Variants in MAPK8IP3 observed in about 807,000 individuals in gnomAD.
The protein encoded by MAPK8IP3 is C-Jun-amino-terminal kinase-interacting protein 3.
In MAPK8IP3, 49 loss-of-function variants were observed where a neutral mutation model predicts 157.8. That is an observed-to-expected ratio of 0.31 (90% CI 0.25 to 0.39). The LOEUF is 0.39. Ranked by LOEUF, MAPK8IP3 falls within the 10% of genes least tolerant of loss-of-function variation. The pLI, the probability that MAPK8IP3 is intolerant of heterozygous loss-of-function variation, is 1.00. For missense variants in MAPK8IP3, 1,478 were observed against 1,889.4 expected (o/e 0.78, Z 4.04); for synonymous variants, 897 against 777.7 (o/e 1.15, Z -2.55).
rs1030631104 is a variant in MAPK8IP3 at position 1,742,898 on chromosome 16, G to A, written c.603-434G>A. Among the ~76,000 whole-genome samples, 36 of 151,980 alleles carry A rather than the reference G, an allele frequency of 2.4e-4. No homozygotes were observed. Among genetic ancestry groups the A allele is most frequent in the Non-Finnish European group, 3.4e-4 (23 of 67,990 alleles). ...AGCACTGTGGGAGGCCGAGGCAGGC[G>A]GATCATCAGGTCAGGAGATCGAGAC... On this transcript the variant is annotated intron_variant, in intron 4 of 31. Coordinates refer to ENST00000610761, the MANE Select transcript of MAPK8IP3 (RefSeq NM_001318852.2). The surrounding 1 kb of genome is among the most constrained non-coding windows in gnomAD (Gnocchi z 5.0).
Position 1,766,297 on chromosome 16 carries a change from C to G in MAPK8IP3, c.2707C>G (p.Pro903Ala). The change falls in exon 22 of 32, where the codon CCA becomes GCA. Residue 903 changes from proline (P) to alanine (A), a missense_variant. Physicochemically the swap from Pro to Ala is conservative, Grantham distance 27. Coordinates refer to ENST00000610761, the MANE Select transcript of MAPK8IP3 (RefSeq NM_001318852.2). The stretch of plus-strand genomic sequence containing the variant: ...GGAGGCCACAGAGGCCACGGAGGTG[C>G]CAGACCCTGGGCCCAGCGAGCCAGA... The part of the protein sequence containing the change: ...TEEATEATEV[P>A]DPGPSEPETA... 6.2e-7 allele frequency: 1 copy of G among 1,612,730 alleles called. No individual in the cohort carries two copies.
intron 12 of MAPK8IP3, 131 bp downstream of exon 12, chr16:1,760,663 C>T (rs2041879882): frequency 1.8e-6 from 2 of 1,122,350 alleles, no homozygotes; most frequent in African/African-American, 1.6e-5. Context: ...CCAGCTCCAG[C>T]TCACAGCCAC....
In MAPK8IP3 at chr16:1,756,623, AACACACACACACACAC is replaced by A. The variant is rs60461442; in HGVS notation, c.1217-1493_1217-1478del. On this transcript the variant is annotated intron_variant, in intron 8 of 31. Transcript: ENST00000610761. ...CATAGTGAGACCTCATTTTTACTAA[AACACACACACACACAC>A]ACACACACACACACACACACACACA... 4.1e-3 allele frequency among the ~76,000 whole-genome samples: 554 copies of A among 135,702 alleles called. 7 individuals are homozygous for A. The highest frequency in any genetic ancestry group is 0.034 in the East Asian group (155 of 4,554). The allele number at this position is 135,702 out of a possible 152,430, so 89.0% of individuals were successfully genotyped here.
In MAPK8IP3 at chr16:1,763,856, G is replaced by A. The variant is rs546746724; in HGVS notation, c.2025+73G>A. The A allele has an allele frequency of 2.0e-5, 21 of 1,071,780 alleles. No homozygotes were observed. In the South Asian group the frequency reaches 3.1e-4, roughly 16 times the overall value. The allele number at this position is 1,071,780 out of a possible 1,614,324, so 66.4% of individuals were successfully genotyped here. On this transcript the variant is annotated intron_variant, in intron 17 of 31. Transcript: ENST00000610761. ...GCGGGGGTAAGGGGCGGGGCGCTGT[G>A]GGGCGGGGAGAGGGCGGGGCAGTGC... is the stretch of plus-strand genomic sequence containing the variant.
chr16:1,735,891 T>A lies in MAPK8IP3; in HGVS notation c.602+6313T>A, dbSNP rs540326793. Among the ~76,000 whole-genome samples the A allele has an allele frequency of 6.3e-5, 8 of 126,746 alleles. No homozygotes were observed. In the South Asian group the frequency reaches 2.3e-3, roughly 36 times the overall value. The allele number at this position is 126,746 out of a possible 152,430, so 83.2% of individuals were successfully genotyped here. On this transcript the variant is annotated intron_variant, in intron 4 of 31. Coordinates refer to ENST00000610761, the MANE Select transcript of MAPK8IP3 (RefSeq NM_001318852.2). ...ACCGTCCATGGAGCATCTGTGTGACTGTCCATGTGAGCATCCGTGTGACCA... is the reference window on the plus strand; with the variant it reads ...ACCGTCCATGGAGCATCTGTGTGACAGTCCATGTGAGCATCCGTGTGACCA...
chr16:1,759,790 C>T (rs1338818165), intron 10 of MAPK8IP3, among the ~76,000 whole-genome samples, 168 bp from the exon 11 acceptor site: 5 of 152,254 alleles, frequency 3.3e-5, no homozygotes, highest in Non-Finnish European at 7.3e-5. Flanking sequence ...GCACAGACTG[C>T]GGGCCCAGCA....
chr16:1,738,110 C>CCGTGTGAG lies in MAPK8IP3; in HGVS notation c.603-5219_603-5218insGTGAGCGT, dbSNP rs1215806083. ...ACCATCCATGTGAGCATCCATGTGA[C>CCGTGTGAG]CGTCCGTGTGAGCGTGACTGTCCGT... On this transcript the variant is annotated intron_variant, in intron 4 of 31. Coordinates refer to ENST00000610761, the MANE Select transcript of MAPK8IP3 (RefSeq NM_001318852.2). 5.5e-3 allele frequency among the ~76,000 whole-genome samples: 331 copies of CCGTGTGAG among 59,960 alleles called. 33 individuals carry two copies. The highest frequency in any genetic ancestry group is 0.03 in the African/African-American group (311 of 10,352). 39.3% of individuals were successfully genotyped at this position (59,960 alleles called of 152,430 possible).
chr16:1,756,937 T>G (rs1055575250), intron 8 of MAPK8IP3, among the ~76,000 whole-genome samples: 1 of 152,124 alleles, frequency 6.6e-6, no homozygotes, highest in African/African-American at 2.4e-5. Flanking sequence ...TTTTGTTCTT[T>G]GAAACCTGTT....
Position 1,743,310 on chromosome 16 carries a change from C to T in MAPK8IP3, c.603-22C>T, listed in dbSNP as rs890266818. On this transcript the variant is annotated intron_variant, in intron 4 of 31. Transcript: ENST00000610761. The surrounding 1 kb of genome is among the most constrained non-coding windows in gnomAD (Gnocchi z 5.6). Reference sequence around the variant, plus strand: ...GGCCACCCTCTAACCATCGCTTCCTCTCCTCTCGCCCCCCATTTCAGCAGG... The same window carrying T: ...GGCCACCCTCTAACCATCGCTTCCTTTCCTCTCGCCCCCCATTTCAGCAGG... The T allele has an allele frequency of 3.3e-6, 5 of 1,535,998 alleles. No homozygotes were observed. The African/African-American group carries it at 5.7e-5, about 18-fold the overall frequency.
chr16:1,759,942 G>A lies in MAPK8IP3; in HGVS notation c.1247-16G>A, dbSNP rs778137000. The A allele has an allele frequency of 5.8e-5, 94 of 1,613,454 alleles. No homozygotes were observed. Among genetic ancestry groups the A allele is most frequent in the East Asian group, 2.0e-4 (9 of 44,898 alleles). ...TTTGAAGGGCACAGGTGAAACCTCCGCACCTTCTGTTTCAGGAATGGGCAA... is the reference window on the plus strand; with the variant it reads ...TTTGAAGGGCACAGGTGAAACCTCCACACCTTCTGTTTCAGGAATGGGCAA... On this transcript the variant is annotated splice_polypyrimidine_tract_variant and intron_variant, in intron 10 of 31. Coordinates refer to ENST00000610761, the MANE Select transcript of MAPK8IP3 (RefSeq NM_001318852.2).
chr16:1,758,900 G>A (rs1311490702), intron 9 of MAPK8IP3, 78 bp from the exon 10 acceptor site: 34 of 1,512,552 alleles, frequency 2.2e-5, no homozygotes, highest in South Asian at 2.1e-4. Context: ...CGGGCTTAAC[G>A]CGCTTCTCTT....
chr16:1,748,281 CATT>C lies in MAPK8IP3; in HGVS notation c.1036_1038del (p.Ile346del). The C allele has an allele frequency of 1.2e-6, 2 of 1,614,036 alleles. No homozygotes were observed. Among genetic ancestry groups the C allele is most frequent in the East Asian group, 2.2e-5 (1 of 44,880 alleles). On this transcript the variant is annotated inframe_deletion, in exon 7 of 32. Transcript: ENST00000610761. ...GTGACGAGTGGTCTGATGTTCAAGA[CATT>C]ATTGACTCCACGCCAGAGCTGGACA...
chr16:1,766,919 T>C lies in MAPK8IP3; in HGVS notation c.3036T>C (p.Arg1012=). 1.2e-6 allele frequency: 2 copies of C among 1,600,382 alleles called. No individual in the cohort carries two copies. Among genetic ancestry groups the C allele is most frequent in the Non-Finnish European group, 1.7e-6 (2 of 1,171,422 alleles). ...SVLSLVHVKG[R]VLVALADGTL... is the part of the protein sequence containing the mutation. ...CCTGTTTCAGGCATGTCAAAGGCCG[T>C]GTGCTGGTGGCTCTGGCGGACGGGA... Residue 1012 remains arginine (R), a synonymous_variant, in exon 25 of 32, where the codon CGT becomes CGC. Coordinates refer to ENST00000610761, the MANE Select transcript of MAPK8IP3 (RefSeq NM_001318852.2).
At chr16:1,717,563 G>A (rs1596552468) in intron 1 of MAPK8IP3, among the ~76,000 whole-genome samples, 1 of 152,202 alleles carries the variant, frequency 6.6e-6, no homozygotes, top group African/African-American at 2.4e-5. Flanking sequence ...TTAGATAGGT[G>A]GTCGTGTCAA....
chr16:1,732,367 C>T (rs2039371466), intron 4 of MAPK8IP3, among the ~76,000 whole-genome samples: 1 of 152,264 alleles, frequency 6.6e-6, no homozygotes, highest in Non-Finnish European at 1.5e-5. Flanking sequence ...CTGGGGGTTA[C>T]ACCTGCAAAC....
chr16:1,714,774 C>T (rs1050508664), intron 1 of MAPK8IP3, among the ~76,000 whole-genome samples: 2 of 152,136 alleles, frequency 1.3e-5, no homozygotes, highest in Non-Finnish European at 2.9e-5. Flanking sequence ...GACCCTTTGG[C>T]TACTGAGAAG....
rs1379420468 is a variant in MAPK8IP3, at chr16:1,731,738, A to C, written c.602+2160A>C. Reference sequence around the variant, plus strand: ...CGTTTTTGTAAAATAAAGGAAGTAGAACTGACCGGAATGCATGGCTTTGAG... The same window carrying C: ...CGTTTTTGTAAAATAAAGGAAGTAGCACTGACCGGAATGCATGGCTTTGAG... On this transcript the variant is annotated intron_variant, in intron 4 of 31. Transcript: ENST00000610761. Among the ~76,000 whole-genome samples, 4 of 152,370 alleles carry C rather than the reference A, an allele frequency of 2.6e-5. No individual in the cohort carries two copies. In the East Asian group the frequency reaches 7.7e-4, roughly 29 times the overall value.
chr16:1,750,360 G>A (rs1040796035), intron 8 of MAPK8IP3, among the ~76,000 whole-genome samples: 3 of 151,822 alleles, frequency 2.0e-5, no homozygotes, highest in Non-Finnish European at 2.9e-5. Flanking sequence ...TTAGAGGCAC[G>A]CGCCACCACG....
At chr16:1,757,363 T>TAAAGC (rs2041667457) in intron 8 of MAPK8IP3, among the ~76,000 whole-genome samples, 1 of 152,114 alleles carries the variant, frequency 6.6e-6, no homozygotes, top group Admixed American at 6.5e-5. Context: ...CTCGGCCTCC[T>TAAAGC]AAAGTGCTGG....
Sources: allele counts gnomAD v4.1 joint callset (sites outside exome capture counted in the v4.1 genomes callset), GRCh38; gene constraint gnomAD v4.1.1; non-coding constraint Gnocchi (gnomAD v3.1); transcripts MANE v1.5; gene names NCBI Gene and HGNC (gene_info 2026-07-23, HGNC 2026-07-21).